Variants in ELF1 observed in about 807,000 individuals in gnomAD.
ELF1 encodes the protein E74 like ETS transcription factor 1, also known as ETS-related transcription factor Elf-1.
ELF1 carries 24 observed loss-of-function variants against 59.9 expected under a neutral mutation model. The ratio of observed to expected loss-of-function variants is 0.40; its 90% CI spans 0.29 to 0.56. ELF1 has a LOEUF of 0.56. ELF1 is among the 20% of genes least tolerant of loss of function. The pLI, the probability that ELF1 is intolerant of heterozygous loss-of-function variation, is 0.44. For missense variants in ELF1, 627 were observed against 742.2 expected, an observed-to-expected ratio of 0.84 and a Z score of 1.80; for synonymous variants, 248 against 266.2, an observed-to-expected ratio of 0.93 and a Z score of 0.67.
chr13:41,057,110 A>G (rs1343833540), intron 1 of ELF1, among the ~76,000 whole-genome samples: 2 of 150,922 alleles, frequency 1.3e-5, no homozygotes, highest in East Asian at 1.9e-4. Flanking sequence ...TTCTTTAAAT[A>G]CCAGCGTTCA....
At chr13:41,060,820 G>A (rs527427515) in intron 1 of ELF1, 27 of 231,224 alleles carry the variant, frequency 1.2e-4, no homozygotes, top group African/African-American at 5.3e-4. Flanking sequence ...AGTGCTATGA[G>A]AAACTGCCGT....
At position 40,933,878 on chromosome 13, in the gene ELF1, T is replaced by C. The variant is rs1312262504; in HGVS notation, c.1407A>G (p.Gln469=). The change falls in exon 9 of 9, where the codon CAA becomes CAG. Residue 469 remains glutamine (Q), a synonymous_variant. Coordinates refer to ENST00000239882, the MANE Select transcript of ELF1 (RefSeq NM_172373.4). The part of the protein sequence containing the change: ...AGTGSQKFIL[Q]AIPSSQPMTV... ...TCATGGGCTGTGATGATGGAATGGC[T>C]TGTAAAATAAACTTCTGAGATCCAG... is the stretch of plus-strand genomic sequence containing the variant. The C allele has an allele frequency of 1.9e-5, 31 of 1,614,126 alleles. No individual in the cohort carries two copies. The highest frequency in any genetic ancestry group is 1.6e-4 in the Middle Eastern group (1 of 6,084).
chr13:40,943,742 C>T, intron 6 of ELF1, 100 bp downstream of exon 6: 1 of 945,448 alleles, frequency 1.1e-6, no homozygotes, highest in Non-Finnish European at 1.5e-6. Flanking sequence ...ATAAGATCCA[C>T]TGCAGTATAT....
chr13:41,041,393 C>G (rs1347880838), intron 1 of ELF1, among the ~76,000 whole-genome samples: 1 of 152,010 alleles, frequency 6.6e-6, no homozygotes, highest in Non-Finnish European at 1.5e-5. Flanking sequence ...TAAAAATCAT[C>G]CAGAGCCAGG....
intron 1 of ELF1, among the ~76,000 whole-genome samples, chr13:41,037,949 C>T (rs1197666279): frequency 1.3e-5 from 2 of 151,304 alleles, no homozygotes; most frequent in Non-Finnish European, 2.9e-5. Context: ...CAGAGTTTAC[C>T]AACCTCTCTA....
At chr13:40,989,812 A>T (rs527739939) in intron 1 of ELF1, among the ~76,000 whole-genome samples, 1 of 152,294 alleles carries the variant, frequency 6.6e-6, no homozygotes, top group East Asian at 1.9e-4. Flanking sequence ...ACATAGGTAA[A>T]ATGATAAAAC....
chr13:41,043,429 T>C (rs1876707834), intron 1 of ELF1, among the ~76,000 whole-genome samples: 2 of 152,266 alleles, frequency 1.3e-5, no homozygotes, highest in African/African-American at 4.8e-5. Flanking sequence ...AGGGTTTTTA[T>C]GGTTTTAGGT....
At chr13:40,952,513 C>T (rs7322097) in intron 3 of ELF1, among the ~76,000 whole-genome samples, 79,951 of 151,112 alleles carry the variant, frequency 0.53, 24,505 homozygotes, top group Non-Finnish European at 0.67. Flanking sequence ...AGTCTCAGGC[C>T]ACCATGCCCA....
chr13:40,956,523 C>G (rs1176935767), intron 3 of ELF1, among the ~76,000 whole-genome samples: 1 of 146,650 alleles, frequency 6.8e-6, no homozygotes, highest in African/African-American at 2.6e-5. Flanking sequence ...CCACTATTGT[C>G]CTGTGACCCT....
rs115189596 is a variant in ELF1 at position 41,027,748 on chromosome 13, T to C, written c.-229+33090A>G. ...TTCTACACAGCATTGCTTCTGACCA[T>C]GGAACTTATCTCAGTCACAAAAGTG... On this transcript the variant is annotated intron_variant, in intron 1 of 1. Transcript: ENST00000405737. Among the ~76,000 whole-genome samples, 169 of 152,348 alleles carry C rather than the reference T, an allele frequency of 1.1e-3. 1 individual carries two copies. Among genetic ancestry groups the C allele is most frequent in the African/African-American group, 3.9e-3 (163 of 41,568 alleles).
intron 1 of ELF1, among the ~76,000 whole-genome samples, chr13:41,042,311 T>C (rs1405369064): frequency 6.6e-6 from 1 of 151,790 alleles, no homozygotes; most frequent in Admixed American, 6.6e-5. Context: ...TTTCTTTTTT[T>C]TTTTATTATT....
In ELF1 at chr13:41,043,453, C is replaced by A. The variant is rs9566672; in HGVS notation, c.-229+17385G>T. 2.7e-3 allele frequency among the ~76,000 whole-genome samples: 417 copies of A among 152,250 alleles called. 8 individuals carry two copies. In the East Asian group the frequency reaches 0.049, roughly 18 times the overall value. On this transcript the variant is annotated intron_variant, in intron 1 of 1. Transcript: ENST00000405737. ...ATGGTTTTAGGTCTAACATTTAAGT[C>A]TTTAATCCATCTTTAATTAATTTTT... is the stretch of plus-strand genomic sequence containing the variant.
At chr13:40,942,853 T>C in intron 7 of ELF1, 99 bp downstream of exon 7, 1 of 1,228,582 alleles carries the variant, frequency 8.1e-7, no homozygotes, top group Non-Finnish European at 1.1e-6. Context: ...GTATTTGCAT[T>C]ACCACTATTG....
rs1409127921 is a variant in ELF1 at position 40,943,098 on chromosome 13, G to C, written c.660C>G (p.Asp220Glu). The change falls in exon 7 of 9, where the codon GAC becomes GAG. Residue 220 changes from aspartate to glutamate, a missense_variant. By Grantham distance (45) the Asp-to-Glu change is conservative. Coordinates refer to ENST00000239882, the MANE Select transcript of ELF1 (RefSeq NM_172373.4). ...TGATGTATTTAGGACAAGTAGCCTT[G>C]TCCTGGAGCAGTGCCAGTAAAAACT... The part of the protein sequence containing the change: ...LWEFLLALLQ[D>E]KATCPKYIKW... 1 of 1,585,628 alleles carries C rather than the reference G, an allele frequency of 6.3e-7. No individual in the cohort carries two copies. The highest frequency in any genetic ancestry group is 1.3e-5 in the African/African-American group (1 of 74,150).
intron 1 of ELF1, among the ~76,000 whole-genome samples, chr13:41,033,226 C>T (rs757695483): frequency 2.4e-4 from 36 of 152,154 alleles, no homozygotes; most frequent in Admixed American, 9.2e-4. Context: ...GAGTGGGTGA[C>T]CCAGGCTGAG....
At chr13:41,009,919 T>C (rs1053780067) in intron 1 of ELF1, among the ~76,000 whole-genome samples, 1 of 152,100 alleles carries the variant, frequency 6.6e-6, no homozygotes, top group Non-Finnish European at 1.5e-5. Context: ...CTTTATATTC[T>C]TAAAATGTAT....
At chr13:41,002,973 A>G (rs531793679) in intron 1 of ELF1, among the ~76,000 whole-genome samples, 3 of 152,350 alleles carry the variant, frequency 2.0e-5, no homozygotes, top group African/African-American at 7.2e-5. Context: ...GTGTATATTA[A>G]AAAGTCAAAC....
At chr13:40,938,453 C>T (rs1001386257) in intron 8 of ELF1, among the ~76,000 whole-genome samples, 1 of 152,188 alleles carries the variant, frequency 6.6e-6, no homozygotes, top group Non-Finnish European at 1.5e-5. Flanking sequence ...ACTGACAATT[C>T]CTGTGATTTA....
At chr13:40,975,423 G>C (rs17061688) in intron 2 of ELF1, among the ~76,000 whole-genome samples, 1,704 of 152,048 alleles carry the variant, frequency 0.011, 37 homozygotes, top group African/African-American at 0.039. Context: ...ACAGAGTAGA[G>C]GGAAAAACAA....
Sources: gnomAD v4.1 joint callset for allele counts (sites outside exome capture counted in the v4.1 genomes callset) on GRCh38, gnomAD v4.1.1 for gene constraint, MANE v1.5 for transcripts, NCBI Gene and HGNC (gene_info 2026-07-23, HGNC 2026-07-21) for gene names.